Variants in ACSM2A observed in about 807,000 individuals in gnomAD.
ACSM2A encodes the protein acyl-CoA synthetase medium chain family member 2A.
ACSM2A carries 72 observed loss-of-function variants against 76.6 expected under a neutral mutation model. The ratio of observed to expected loss-of-function variants is 0.94; its 90% CI spans 0.78 to 1.14. ACSM2A has a LOEUF of 1.14. ACSM2A is among the 50% of genes most tolerant of loss of function. The pLI is 0.00. For missense variants in ACSM2A, 684 were observed against 708.5 expected, an observed-to-expected ratio of 0.97 and a Z score of 0.39; for synonymous variants, 249 against 255.9, an observed-to-expected ratio of 0.97 and a Z score of 0.26.
In ACSM2A at chr16:20,469,595, G is replaced by A. The variant is rs769770056; in HGVS notation, c.472G>A (p.Val158Ile). Residue 158 changes from valine (V) to isoleucine (I), a missense_variant, in exon 4 of 14, where the codon GTT (valine) becomes ATT (isoleucine). Physicochemically the swap from Val to Ile is conservative, Grantham distance 29. Transcript: ENST00000573854. ...RLQMSKAKAI[V>I]AGDEVIQEVD... ...GCAGATGTCTAAGGCCAAGGCTATT[G>A]TTGCTGGGGATGAAGTCATCCAAGA... 2.5e-6 allele frequency: 4 copies of A among 1,613,944 alleles called. No homozygotes were observed. The East Asian group carries it at 8.9e-5, about 36-fold the overall frequency.
At chr16:20,466,547 C>T (rs1237358821) in intron 3 of ACSM2A, among the ~76,000 whole-genome samples, 1 of 152,142 alleles carries the variant, frequency 6.6e-6, no homozygotes, top group Non-Finnish European at 1.5e-5. Context: ...AATCCACCTC[C>T]CCAGGAAATC....
chr16:20,467,352 T>C (rs1019696963), intron 3 of ACSM2A, among the ~76,000 whole-genome samples: 3 of 134,936 alleles, frequency 2.2e-5, no homozygotes, highest in African/African-American at 3.4e-5. Flanking sequence ...ACTCAAACCA[T>C]TGATGCATTG....
chr16:20,464,418 G>A (rs749766565), intron 2 of ACSM2A, among the ~76,000 whole-genome samples: 1 of 152,170 alleles, frequency 6.6e-6, no homozygotes, highest in Non-Finnish European at 1.5e-5. Context: ...TGTATAGGAA[G>A]TGTGGTGCTG....
chr16:20,475,103 T>A (rs2013654053), intron 6 of ACSM2A, among the ~76,000 whole-genome samples: 1 of 152,148 alleles, frequency 6.6e-6, no homozygotes, highest in Non-Finnish European at 1.5e-5. Context: ...GGAACAGACA[T>A]CCAGGATTTG....
At chr16:20,458,905 C>CATATATATATATATATATATGCAT (rs2012401095) in intron 1 of ACSM2A, among the ~76,000 whole-genome samples, 2 of 74,880 alleles carry the variant, frequency 2.7e-5, no homozygotes, top group African/African-American at 6.0e-5. Flanking sequence ...TATATATATG[C>CATATATATATATATATATATGCAT]ATATATATAT....
intron 8 of ACSM2A, chr16:20,476,573 C>T: frequency 1.0e-6 from 1 of 985,412 alleles, no homozygotes; most frequent in Non-Finnish European, 1.2e-6. Flanking sequence ...GGGCCTCCCA[C>T]CATTCAGAGG....
intron 6 of ACSM2A, among the ~76,000 whole-genome samples, chr16:20,474,792 T>TA (rs2013628111): frequency 1.3e-5 from 2 of 152,202 alleles, no homozygotes. Flanking sequence ...GAGGTTATTG[T>TA]AAAAATTAAA....
intron 6 of ACSM2A, 78 bp from the exon 7 acceptor site, chr16:20,475,284 C>G: frequency 2.5e-6 from 4 of 1,608,596 alleles, no homozygotes; most frequent in Non-Finnish European, 3.4e-6. Flanking sequence ...CCATAGCTCA[C>G]AATTGTAACC....
chr16:20,477,569 A>G, intron 9 of ACSM2A, 120 bp downstream of exon 9: 1 of 1,454,784 alleles, frequency 6.9e-7, no homozygotes, highest in Non-Finnish European at 9.1e-7. Context: ...AGATAACATA[A>G]GAAAAAAAGG....
intron 1 of ACSM2A, among the ~76,000 whole-genome samples, chr16:20,459,692 G>C (rs1307923930): frequency 6.6e-6 from 1 of 152,162 alleles, no homozygotes; most frequent in Admixed American, 6.5e-5. Context: ...AAGTCAATGA[G>C]AGGTGGATAC....
At chr16:20,480,426 G>C (rs1281927782) in intron 10 of ACSM2A, 147 bp from the exon 11 acceptor site, 2 of 1,425,262 alleles carry the variant, frequency 1.4e-6, no homozygotes, top group Non-Finnish European at 1.9e-6. Context: ...CCTAGGGTTG[G>C]CTGGTTCAGG....
chr16:20,457,915 C>T (rs2012291440), intron 1 of ACSM2A, among the ~76,000 whole-genome samples: 2 of 152,060 alleles, frequency 1.3e-5, no homozygotes, highest in South Asian at 4.1e-4. Flanking sequence ...ACCTAGAAGA[C>T]CTTAAAGACT....
intron 11 of ACSM2A, 52 bp downstream of exon 11, chr16:20,480,752 G>T (rs902365455): frequency 3.1e-6 from 5 of 1,611,604 alleles, no homozygotes. Context: ...TACTCTGGCT[G>T]GTTCCAGACT....
intron 2 of ACSM2A, among the ~76,000 whole-genome samples, chr16:20,463,986 T>G (rs1004307483): frequency 6.6e-5 from 10 of 152,164 alleles, no homozygotes; most frequent in Admixed American, 5.2e-4. Context: ...ACTCTTACGT[T>G]AAAACTTCCA....
chr16:20,481,303 G>A (rs1475148279), intron 12 of ACSM2A: 5 of 222,038 alleles, frequency 2.3e-5, no homozygotes, highest in South Asian at 9.3e-5. Flanking sequence ...TTCACAATAC[G>A]AAGATATGGG....
At position 20,479,068 on chromosome 16, in the gene ACSM2A, A is replaced by G. The variant is rs569015491; in HGVS notation, c.1281+391A>G. ...TCTTTAGAGCCATGCCAGGCACTTT[A>G]CAGTAAGACTTCACCATCTAGTTGG... On this transcript the variant is annotated intron_variant, in intron 10 of 13. Coordinates refer to ENST00000573854, the MANE Select transcript of ACSM2A (RefSeq NM_001308172.2). Among the ~76,000 whole-genome samples, 4 of 152,094 alleles carry G rather than the reference A, an allele frequency of 2.6e-5. No individual in the cohort carries two copies. In the South Asian group the frequency reaches 8.3e-4, roughly 32 times the overall value.
intron 2 of ACSM2A, among the ~76,000 whole-genome samples, chr16:20,461,313 A>C (rs1282612237): frequency 1.3e-5 from 2 of 151,720 alleles, no homozygotes; most frequent in Non-Finnish European, 2.9e-5. Flanking sequence ...AATAAGGTTC[A>C]ACATTTTAAA....
chr16:20,471,327 C>A, intron 5 of ACSM2A, 111 bp downstream of exon 5: 1 of 1,517,676 alleles, frequency 6.6e-7, no homozygotes, highest in Non-Finnish European at 8.9e-7. Flanking sequence ...ACCTTCTGAA[C>A]ATTCATCTCC....
intron 10 of ACSM2A, among the ~76,000 whole-genome samples, chr16:20,480,042 A>G (rs779759500): frequency 1.3e-5 from 2 of 152,348 alleles, no homozygotes; most frequent in East Asian, 3.9e-4. Flanking sequence ...ATGCACTGAC[A>G]AGGGATAAAC....
Sources: allele counts gnomAD v4.1 joint callset (sites outside exome capture counted in the v4.1 genomes callset), GRCh38; gene constraint gnomAD v4.1.1; transcripts MANE v1.5; gene names NCBI Gene and HGNC (gene_info 2026-07-23, HGNC 2026-07-21).